Variants in MAP3K7CL observed in about 807,000 individuals in gnomAD.
The protein encoded by MAP3K7CL is MAP3K7 C-terminal-like protein.
MAP3K7CL carries 16 observed loss-of-function variants against 18.6 expected under a neutral mutation model. The observed-to-expected ratio is 0.86, with a 90% CI of 0.58 to 1.31. The LOEUF (loss-of-function observed/expected upper bound fraction) is 1.31. Ranked by LOEUF, MAP3K7CL falls within the 50% of genes most tolerant of loss-of-function variation. The probability of loss-of-function intolerance (pLI) is 0.00; values close to 1 mark genes in which losing one functional copy is unlikely to be tolerated. For missense variants in MAP3K7CL, 163 were observed against 174.4 expected, an observed-to-expected ratio of 0.93 and a Z score of 0.37; for synonymous variants, 65 against 66.8, an observed-to-expected ratio of 0.97 and a Z score of 0.13.
chr21:29,136,288 A>G (rs528167942), intron 2 of MAP3K7CL, among the ~76,000 whole-genome samples: 4 of 152,328 alleles, frequency 2.6e-5, no homozygotes, highest in African/African-American at 9.6e-5. Context: ...AACACTTGCC[A>G]TCAAGCGAGC....
intron 2 of MAP3K7CL, among the ~76,000 whole-genome samples, chr21:29,138,613 T>A (rs1325392169): frequency 6.6e-6 from 1 of 152,214 alleles, no homozygotes; most frequent in Admixed American, 6.5e-5. Flanking sequence ...TTTAGAATAG[T>A]TTTTTGTTTC....
intron 2 of MAP3K7CL, among the ~76,000 whole-genome samples, chr21:29,146,830 T>G (rs2098501040): frequency 6.6e-6 from 1 of 152,212 alleles, no homozygotes; most frequent in African/African-American, 2.4e-5. Flanking sequence ...ATATGACCCT[T>G]GAGGGGTTTG....
chr21:29,167,094 A>G (rs2087707259), intron 4 of MAP3K7CL, among the ~76,000 whole-genome samples: 1 of 152,160 alleles, frequency 6.6e-6, no homozygotes, highest in Admixed American at 6.5e-5. Context: ...AGCCATCTGT[A>G]GTGGGTGTGA....
At chr21:29,109,289 T>G in intron 4 of MAP3K7CL, 1 of 1,500,140 alleles carries the variant, frequency 6.7e-7, no homozygotes, top group Non-Finnish European at 8.9e-7. Flanking sequence ...AATGCTTATT[T>G]TGTGCCCATT....
chr21:29,098,008 A>G (rs1169374838), intron 4 of MAP3K7CL, among the ~76,000 whole-genome samples: 2 of 152,178 alleles, frequency 1.3e-5, no homozygotes, highest in South Asian at 2.1e-4. Context: ...TGATAGCTAT[A>G]TAACTTTGAA....
chr21:29,155,013 T>C lies in MAP3K7CL; in HGVS notation c.133-4928T>C, dbSNP rs79201825. ...CAGAAATGACTTAAATATACTTTAC[T>C]CCAGTGTAACATGATGTATAAGTTC... On this transcript the variant is annotated intron_variant, in intron 3 of 4. Transcript: ENST00000399928. Among the ~76,000 whole-genome samples, 798 of 152,328 alleles carry C rather than the reference T, an allele frequency of 5.2e-3. 7 individuals are homozygous for C. Among genetic ancestry groups the C allele is most frequent in the African/African-American group, 0.018 (761 of 41,578 alleles).
chr21:29,111,602 G>A (rs576751103), intron 4 of MAP3K7CL, among the ~76,000 whole-genome samples: 9 of 152,272 alleles, frequency 5.9e-5, no homozygotes, highest in Admixed American at 4.6e-4. Context: ...GGAAGTCTAC[G>A]TGTTTTCACT....
chr21:29,164,246 G>C (rs2087628918), intron 4 of MAP3K7CL, among the ~76,000 whole-genome samples: 1 of 152,120 alleles, frequency 6.6e-6, no homozygotes, highest in Non-Finnish European at 1.5e-5. Context: ...AATTCATTTT[G>C]CAACATGTCT....
At chr21:29,138,221 C>T (rs983274856) in intron 2 of MAP3K7CL, among the ~76,000 whole-genome samples, 1 of 152,194 alleles carries the variant, frequency 6.6e-6, no homozygotes, top group Non-Finnish European at 1.5e-5. Flanking sequence ...AGCCTATCAT[C>T]AGAGTGCTTT....
chr21:29,162,710 G>A (rs907678033), intron 4 of MAP3K7CL, among the ~76,000 whole-genome samples: 1 of 151,722 alleles, frequency 6.6e-6, no homozygotes, highest in African/African-American at 2.4e-5. Context: ...TGATATGGTA[G>A]GATAATGACA....
chr21:29,105,307 T>G (rs1317523997), intron 4 of MAP3K7CL, among the ~76,000 whole-genome samples: 1 of 152,222 alleles, frequency 6.6e-6, no homozygotes, highest in East Asian at 1.9e-4. Flanking sequence ...CGCCTTCCCA[T>G]GCCATGCTGA....
At chr21:29,077,814 A>G (rs1362877915) in intron 1 of MAP3K7CL, 1 of 152,356 alleles carries the variant, frequency 6.6e-6, no homozygotes, top group African/African-American at 2.4e-5. Flanking sequence ...CAAAACGCCA[A>G]GGAGACTGTA....
chr21:29,095,703 A>G (rs2086111145), intron 4 of MAP3K7CL, among the ~76,000 whole-genome samples: 1 of 152,210 alleles, frequency 6.6e-6, no homozygotes, highest in African/African-American at 2.4e-5. Context: ...GTACATGGTA[A>G]TATCTGGGGA....
intron 4 of MAP3K7CL, among the ~76,000 whole-genome samples, chr21:29,096,021 GA>G (rs2086115932): frequency 6.6e-6 from 1 of 152,130 alleles, no homozygotes; most frequent in Admixed American, 6.6e-5. Flanking sequence ...TTTTCTGCAT[GA>G]AAAAATGTTT....
At chr21:29,092,380 G>A in intron 3 of MAP3K7CL, 2 of 1,589,318 alleles carry the variant, frequency 1.3e-6, no homozygotes, top group Non-Finnish European at 1.7e-6. Context: ...GACATCAAAA[G>A]GTCTGTGCGG....
intron 4 of MAP3K7CL, among the ~76,000 whole-genome samples, chr21:29,119,986 A>G (rs1445013863): frequency 6.6e-6 from 1 of 152,124 alleles, no homozygotes; most frequent in East Asian, 1.9e-4. Context: ...AACTTGATTG[A>G]TAGTTTGGTC....
At chr21:29,102,714 G>A (rs2086254755) in intron 4 of MAP3K7CL, 1 of 152,080 alleles carries the variant, frequency 6.6e-6, no homozygotes, top group African/African-American at 2.4e-5. Context: ...CTGGATAAAT[G>A]ACTCAATTCT....
At chr21:29,151,650 C>G (rs937302324) in intron 3 of MAP3K7CL, among the ~76,000 whole-genome samples, 3 of 152,110 alleles carry the variant, frequency 2.0e-5, no homozygotes, top group Non-Finnish European at 4.4e-5. Context: ...AAATAAAACA[C>G]TAAAAGCATA....
intron 2 of MAP3K7CL, among the ~76,000 whole-genome samples, chr21:29,146,375 C>T (rs1243194500): frequency 6.6e-6 from 1 of 152,190 alleles, no homozygotes; most frequent in African/African-American, 2.4e-5. Context: ...TGTAAACGCA[C>T]TTAAGAACAA....
Sources: allele counts gnomAD v4.1 joint callset (sites outside exome capture counted in the v4.1 genomes callset), GRCh38; gene constraint gnomAD v4.1.1; transcripts MANE v1.5; gene names NCBI Gene and HGNC (gene_info 2026-07-23, HGNC 2026-07-21).